Variants in EFNA5 observed in about 807,000 individuals in gnomAD.
The protein encoded by EFNA5 is ephrin A5.
In EFNA5, 5 loss-of-function variants were observed where a neutral mutation model predicts 22.9. The observed-to-expected ratio is 0.22, with a 90% CI of 0.11 to 0.46. The LOEUF is 0.46. Ranked by LOEUF, EFNA5 falls within the 20% of genes least tolerant of loss-of-function variation. The probability of loss-of-function intolerance (pLI) is 0.99; values close to 1 mark genes in which losing one functional copy is unlikely to be tolerated. For missense variants in EFNA5, 237 were observed against 293.3 expected, an observed-to-expected ratio of 0.81 and a Z score of 1.40; for synonymous variants, 113 against 112.2, an observed-to-expected ratio of 1.01 and a Z score of -0.04.
intron 1 of EFNA5, among the ~76,000 whole-genome samples, chr5:107,467,404 A>G (rs1228623432): frequency 1.3e-5 from 2 of 152,196 alleles, no homozygotes; most frequent in Non-Finnish European, 2.9e-5. Context: ...TCTCCTTTCA[A>G]TAGAGAGAAA....
At chr5:107,407,013 A>G (rs1748242382) in intron 2 of EFNA5, among the ~76,000 whole-genome samples, 1 of 152,236 alleles carries the variant, frequency 6.6e-6, no homozygotes, top group South Asian at 2.1e-4. Flanking sequence ...ATCAGCTATC[A>G]AGATGAATAA....
intron 1 of EFNA5, among the ~76,000 whole-genome samples, chr5:107,631,287 A>ACACG (rs1561454604): frequency 6.6e-6 from 1 of 151,098 alleles, no homozygotes; most frequent in African/African-American, 2.4e-5. Context: ...ACACACACAC[A>ACACG]CACTCTCTGT....
At chr5:107,502,097 C>A (rs1747149724) in intron 1 of EFNA5, among the ~76,000 whole-genome samples, 2 of 152,224 alleles carry the variant, frequency 1.3e-5, no homozygotes, top group African/African-American at 2.4e-5. Flanking sequence ...GCAATGAGGA[C>A]TGCCCCTCTT....
At chr5:107,460,865 T>C (rs1427805449) in intron 1 of EFNA5, among the ~76,000 whole-genome samples, 1 of 152,174 alleles carries the variant, frequency 6.6e-6, no homozygotes, top group Non-Finnish European at 1.5e-5. Flanking sequence ...GAAAATAAGC[T>C]TGTTATTAGC....
At chr5:107,669,789 C>T (rs1241997975) in intron 1 of EFNA5, among the ~76,000 whole-genome samples, 4 of 152,036 alleles carry the variant, frequency 2.6e-5, no homozygotes, top group Non-Finnish European at 5.9e-5. Flanking sequence ...CGTAACCCGG[C>T]ATTAGATCAA....
At chr5:107,630,694 AATAG>A (rs1750232580) in intron 1 of EFNA5, among the ~76,000 whole-genome samples, 1 of 152,066 alleles carries the variant, frequency 6.6e-6, no homozygotes, top group African/African-American at 2.4e-5. Flanking sequence ...TTTCTTCAAT[AATAG>A]ATTAACCTTA....
intron 1 of EFNA5, among the ~76,000 whole-genome samples, chr5:107,603,485 C>A (rs925990717): frequency 2.0e-5 from 3 of 152,180 alleles, no homozygotes; most frequent in Non-Finnish European, 4.4e-5. Flanking sequence ...CGTTCTCATT[C>A]TGAACAATAC....
At chr5:107,482,308 CAA>C (rs11400186) in intron 1 of EFNA5, among the ~76,000 whole-genome samples, 6 of 137,148 alleles carry the variant, frequency 4.4e-5, no homozygotes, top group African/African-American at 8.0e-5. Context: ...GATCTTGTCT[CAA>C]AAAAAAAAAA....
chr5:107,559,144 T>C (rs544577665), intron 1 of EFNA5, among the ~76,000 whole-genome samples: 2 of 152,248 alleles, frequency 1.3e-5, no homozygotes, highest in South Asian at 4.2e-4. Flanking sequence ...GATGCCCTGA[T>C]TCCCTATGCA....
chr5:107,434,655 G>A (rs1749060001), intron 1 of EFNA5, among the ~76,000 whole-genome samples: 1 of 152,192 alleles, frequency 6.6e-6, no homozygotes, highest in Non-Finnish European at 1.5e-5. Flanking sequence ...AGAAGCTCCT[G>A]AGTGAAGTTT....
At chr5:107,435,339 C>CTTTTTTTTTTTTTTTTTT (rs1209140672) in intron 1 of EFNA5, among the ~76,000 whole-genome samples, 78 of 56,802 alleles carry the variant, frequency 1.4e-3, no homozygotes, top group African/African-American at 4.8e-3. Flanking sequence ...TTTTTTTTTG[C>CTTTTTTTTTTTTTTTTTT]TTTTCTGTGG....
intron 1 of EFNA5, among the ~76,000 whole-genome samples, chr5:107,521,963 G>A (rs558615267): frequency 1.3e-5 from 2 of 152,210 alleles, no homozygotes; most frequent in South Asian, 4.2e-4. Context: ...GGATTAGTTA[G>A]GACTACAGGT....
At chr5:107,561,972 C>T (rs547376545) in intron 1 of EFNA5, among the ~76,000 whole-genome samples, 72 of 152,292 alleles carry the variant, frequency 4.7e-4, no homozygotes, top group South Asian at 1.7e-3. Context: ...GTGTTGACTA[C>T]ACAGCCTCCT....
intron 1 of EFNA5, among the ~76,000 whole-genome samples, chr5:107,606,537 CAACACACA>C (rs1749728228): frequency 9.4e-6 from 1 of 106,444 alleles, no homozygotes; most frequent in Non-Finnish European, 2.0e-5. Flanking sequence ...CTTGCACGTA[CAACACACA>C]CACACACACA....
Position 107,670,812 on chromosome 5 carries a change from G to T in EFNA5, c.-199C>A. On this transcript the variant is annotated 5_prime_UTR_variant, in exon 1 of 5. Transcript: ENST00000333274. Reference sequence around the variant, plus strand: ...TAGGAGAGCGAGAAGAAAAGAAGGCGGTGGGATGGGGGGTGATAAAGACAA... The same window carrying T: ...TAGGAGAGCGAGAAGAAAAGAAGGCTGTGGGATGGGGGGTGATAAAGACAA... The T allele has an allele frequency of 1.5e-6, 1 of 655,778 alleles. No individual in the cohort carries two copies. Among genetic ancestry groups the T allele is most frequent in the Non-Finnish European group, 2.5e-6 (1 of 394,686 alleles). 40.6% of individuals were successfully genotyped at this position (655,778 alleles called of 1,614,324 possible).
intron 1 of EFNA5, among the ~76,000 whole-genome samples, chr5:107,486,093 C>T (rs538289097): frequency 8.5e-5 from 13 of 152,186 alleles, no homozygotes; most frequent in Middle Eastern, 3.4e-3. Context: ...ACATTAAAGG[C>T]GTTACAGTAA....
chr5:107,481,974 T>A (rs1750479201), intron 1 of EFNA5, among the ~76,000 whole-genome samples: 1 of 152,174 alleles, frequency 6.6e-6, no homozygotes, highest in African/African-American at 2.4e-5. Context: ...CATACACTTC[T>A]AAGTTAGACA....
intron 1 of EFNA5, among the ~76,000 whole-genome samples, chr5:107,514,828 C>A (rs1410596900): frequency 6.6e-6 from 1 of 152,160 alleles, no homozygotes; most frequent in Non-Finnish European, 1.5e-5. Context: ...TAATCTCCTA[C>A]CTCTCCTTAT....
At chr5:107,503,769 TA>T (rs1747192618) in intron 1 of EFNA5, among the ~76,000 whole-genome samples, 1 of 152,232 alleles carries the variant, frequency 6.6e-6, no homozygotes, top group African/African-American at 2.4e-5. Flanking sequence ...TAACCATTAA[TA>T]TTTTTTATTA....
Sources: gnomAD v4.1 joint callset for allele counts (sites outside exome capture counted in the v4.1 genomes callset) on GRCh38, gnomAD v4.1.1 for gene constraint, MANE v1.5 for transcripts, NCBI Gene and HGNC (gene_info 2026-07-23, HGNC 2026-07-21) for gene names.